The following ANKFY1 variants were observed in gnomAD, a reference collection of about 807,000 sequenced individuals.
ANKFY1 encodes the protein ankyrin repeat and FYVE domain-containing protein 1.
In ANKFY1, 47 loss-of-function variants were observed where a neutral mutation model predicts 128.3. That is an observed-to-expected ratio of 0.37 (90% CI 0.29 to 0.47). The LOEUF (loss-of-function observed/expected upper bound fraction) is 0.47, where lower values mean the gene tolerates loss of function less well. Ranked by LOEUF, ANKFY1 falls within the 20% of genes least tolerant of loss-of-function variation. The pLI, the probability that ANKFY1 is intolerant of heterozygous loss-of-function variation, is 1.00. For synonymous variants in ANKFY1, 553 were observed against 601.6 expected (o/e 0.92, Z 1.18); for missense variants, 1,222 against 1,510.6 (o/e 0.81, Z 3.17).
At chr17:4,187,318 A>G (rs1253592317) in intron 11 of ANKFY1, 2 of 398,492 alleles carry the variant, frequency 5.0e-6, no homozygotes, top group Non-Finnish European at 8.8e-6. Flanking sequence ...GCAGTGTGAG[A>G]GGACAGGACA....
intron 1 of ANKFY1, among the ~76,000 whole-genome samples, chr17:4,245,452 T>C (rs1249078520): frequency 6.6e-6 from 1 of 151,200 alleles, no homozygotes; most frequent in Non-Finnish European, 1.5e-5. Flanking sequence ...GTGATCCTCC[T>C]GACAGCCTCC....
intron 3 of ANKFY1, among the ~76,000 whole-genome samples, chr17:4,232,818 T>C (rs1208225123): frequency 6.6e-6 from 1 of 152,218 alleles, no homozygotes; most frequent in African/African-American, 2.4e-5. Context: ...AATGTTAAAA[T>C]TGGCTTTTTA....
At position 4,209,400 on chromosome 17, in the gene ANKFY1, A is replaced by G. The variant is rs141982669; in HGVS notation, c.582+424T>C. On this transcript the variant is annotated intron_variant, in intron 5 of 24. Transcript: ENST00000341657. ...ACCGCAACCTCCGCCTCCCGGGTTT[A>G]CGTGATTCTCCTGCCACAGTCTCCT... Among the ~76,000 whole-genome samples, 23 of 152,292 alleles carry G rather than the reference A, an allele frequency of 1.5e-4. No homozygotes were observed. In the East Asian group the frequency reaches 4.4e-3, roughly 29 times the overall value.
intron 20 of ANKFY1, 82 bp from the exon 21 acceptor site, chr17:4,173,526 T>C: frequency 7.6e-7 from 1 of 1,321,482 alleles, no homozygotes; most frequent in Non-Finnish European, 1.1e-6. Flanking sequence ...CACAGACCTC[T>C]CTGTAAATGG....
intron 2 of ANKFY1, among the ~76,000 whole-genome samples, chr17:4,237,486 C>A (rs1423139453): frequency 6.6e-6 from 1 of 152,102 alleles, no homozygotes; most frequent in Non-Finnish European, 1.5e-5. Flanking sequence ...CTACAAAGTA[C>A]AAATAATTTT....
At chr17:4,216,783 G>A in intron 4 of ANKFY1, 200 bp downstream of exon 4, 2 of 657,444 alleles carry the variant, frequency 3.0e-6, no homozygotes, top group Non-Finnish European at 5.4e-6. Flanking sequence ...AAAGAAAAGA[G>A]AATAGCAAAA....
In ANKFY1 at chr17:4,178,975, T is replaced by G. The variant is rs750117273; in HGVS notation, c.2480A>C (p.Asp827Ala). Residue 827 changes from aspartate to alanine, a missense_variant, in exon 18 of 25, where the codon GAT (aspartate) becomes GCT (alanine). By Grantham distance (126) the Asp-to-Ala change is moderately radical. Transcript: ENST00000341657. The surrounding 1 kb of genome is among the most constrained non-coding windows in gnomAD (Gnocchi z 4.1). Reference protein sequence around the residue: ...VIIQLLVSHPDIHLNVRDRQG... With the variant: ...VIIQLLVSHPAIHLNVRDRQG... ...TCTGTCTCGTACATTCAAATGGATATCGGGGTGAGAAACCAACAGCTGAAT... is the reference window on the plus strand; with the variant it reads ...TCTGTCTCGTACATTCAAATGGATAGCGGGGTGAGAAACCAACAGCTGAAT... The G allele has an allele frequency of 8.1e-6, 13 of 1,613,998 alleles. No homozygotes were observed. Among genetic ancestry groups the G allele is most frequent in the African/African-American group, 2.7e-5 (2 of 74,890 alleles).
At position 4,169,056 on chromosome 17, in the gene ANKFY1, T is replaced by G; in HGVS notation, c.3377+142A>C. The G allele has an allele frequency of 1.4e-6, 1 of 708,620 alleles. No individual in the cohort carries two copies. The highest frequency in any genetic ancestry group is 2.4e-6 in the Non-Finnish European group (1 of 412,668). 43.9% of individuals were successfully genotyped at this position (708,620 alleles called of 1,614,324 possible). ...TCCTCAGTAGGATCCTTGGGTGTGC[T>G]CATCTCATCCCTCCATTTGGTCAAG... On this transcript the variant is annotated intron_variant, in intron 24 of 24. Transcript: ENST00000341657. This position sits in a 1 kb window ranked among gnomAD's most constrained non-coding sequence, Gnocchi z 5.0.
intron 11 of ANKFY1, chr17:4,186,410 C>G (rs1386343883): frequency 2.0e-5 from 3 of 152,268 alleles, no homozygotes; most frequent in Admixed American, 6.5e-5. Context: ...CACTGCCTCA[C>G]TTGGCTAGCC....
At chr17:4,186,830 C>G in intron 11 of ANKFY1, 1 of 997,494 alleles carries the variant, frequency 1.0e-6, no homozygotes, top group Non-Finnish European at 1.2e-6. Context: ...AAGAGACTCT[C>G]AAACCCAGGT....
Position 4,193,679 on chromosome 17 carries a change from G to A in ANKFY1, c.1372+1299C>T, listed in dbSNP as rs142579330. Among the ~76,000 whole-genome samples the A allele has an allele frequency of 8.5e-3, 1,288 of 152,048 alleles. 15 individuals are homozygous for A. Among genetic ancestry groups the A allele is most frequent in the African/African-American group, 0.03 (1,248 of 41,450 alleles). On this transcript the variant is annotated intron_variant, in intron 10 of 24. Coordinates refer to ENST00000341657, the MANE Select transcript of ANKFY1 (RefSeq NM_001330063.2). ...GACCTCAGGTGATCTGCCTGCCTCG[G>A]CCTCCCAAAGTGCTGGGATTAACAG...
intron 3 of ANKFY1, chr17:4,222,855 C>T: frequency 1.0e-6 from 1 of 956,412 alleles, no homozygotes; most frequent in South Asian, 1.3e-5. Context: ...GCCATCCACC[C>T]AGACGACTCA....
At chr17:4,228,721 T>C (rs2325880) in intron 3 of ANKFY1, among the ~76,000 whole-genome samples, 77,900 of 152,094 alleles carry the variant, frequency 0.51, 21,803 homozygotes, top group East Asian at 0.75. Flanking sequence ...CCAGCAAGGA[T>C]AGAAATGTTT....
At chr17:4,239,585 C>T (rs1266244081) in intron 2 of ANKFY1, among the ~76,000 whole-genome samples, 2 of 152,126 alleles carry the variant, frequency 1.3e-5, no homozygotes, top group Non-Finnish European at 2.9e-5. Flanking sequence ...ATCACCCAGG[C>T]TGGAGTGCAG....
intron 4 of ANKFY1, among the ~76,000 whole-genome samples, chr17:4,214,286 C>T (rs1363758668): frequency 1.3e-5 from 2 of 152,120 alleles, no homozygotes; most frequent in Non-Finnish European, 2.9e-5. Context: ...TTCACTGTCA[C>T]CAATTCTAGG....
At chr17:4,238,776 T>C (rs990793273) in intron 2 of ANKFY1, among the ~76,000 whole-genome samples, 2 of 151,890 alleles carry the variant, frequency 1.3e-5, no homozygotes, top group South Asian at 4.2e-4. Flanking sequence ...TTGTTTTTTT[T>C]TTAGACAGGG....
Position 4,169,862 on chromosome 17 carries a change from G to C in ANKFY1, c.3287-574C>G, listed in dbSNP as rs1398862167. 6.6e-6 allele frequency among the ~76,000 whole-genome samples: 1 copy of C among 152,172 alleles called. No homozygotes were observed. The highest frequency in any genetic ancestry group is 1.5e-5 in the Non-Finnish European group (1 of 68,032). On this transcript the variant is annotated intron_variant, in intron 23 of 24. Coordinates refer to ENST00000341657, the MANE Select transcript of ANKFY1 (RefSeq NM_001330063.2). The surrounding 1 kb of genome is among the most constrained non-coding windows in gnomAD (Gnocchi z 5.0). ...TGCAGACAGGAATGACAATCACTTGGATTTACTGGCTGAACTCTCACTCTA... is the reference window on the plus strand; with the variant it reads ...TGCAGACAGGAATGACAATCACTTGCATTTACTGGCTGAACTCTCACTCTA...
At chr17:4,241,441 G>A (rs984845228) in intron 2 of ANKFY1, among the ~76,000 whole-genome samples, 6 of 151,592 alleles carry the variant, frequency 4.0e-5, no homozygotes, top group African/African-American at 9.7e-5. Context: ...CACCATGCGC[G>A]GCGAATTTTT....
Position 4,237,001 on chromosome 17 carries a change from T to C in ANKFY1, c.204-1111A>G, listed in dbSNP as rs75967396. On this transcript the variant is annotated intron_variant, in intron 2 of 24. Transcript: ENST00000341657. ...AAATACAAAAATTAGCCAAGCATGG[T>C]AGCAGGCACCTGTAATCCCAGTTGG... Among the ~76,000 whole-genome samples, 73 of 152,008 alleles carry C rather than the reference T, an allele frequency of 4.8e-4. No homozygotes were observed. The East Asian group carries it at 0.013, about 26-fold the overall frequency.
Sources: gnomAD v4.1 joint callset for allele counts (sites outside exome capture counted in the v4.1 genomes callset) on GRCh38, gnomAD v4.1.1 for gene constraint, Gnocchi (gnomAD v3.1) non-coding constraint, MANE v1.5 for transcripts, NCBI Gene and HGNC (gene_info 2026-07-23, HGNC 2026-07-21) for gene names.